The following SHISA9 variants were observed in gnomAD, a reference collection of about 807,000 sequenced individuals.
SHISA9 encodes the protein protein shisa-9.
In SHISA9, 13 loss-of-function variants were observed where a neutral mutation model predicts 38.0. That is an observed-to-expected ratio of 0.34 (90% confidence interval 0.22 to 0.54). SHISA9 has a LOEUF of 0.54. SHISA9 is among the 20% of genes least tolerant of loss of function. The pLI is 0.91. For synonymous variants in SHISA9, 275 were observed against 242.0 expected, an observed-to-expected ratio of 1.14 and a Z score of -1.27; for missense variants, 538 against 575.8, an observed-to-expected ratio of 0.93 and a Z score of 0.67.
chr16:13,029,961 G>A (rs752529525), intron 2 of SHISA9, among the ~76,000 whole-genome samples: 5 of 152,168 alleles, frequency 3.3e-5, no homozygotes, highest in Admixed American at 1.3e-4. Flanking sequence ...ATCAGTTTCC[G>A]CATCTGTGAA....
At chr16:13,366,254 A>T in the SHISA9 span, among the ~76,000 whole-genome samples, 1 of 152,242 alleles carries the variant, frequency 6.6e-6, no homozygotes, top group East Asian at 1.9e-4. Flanking sequence ...TTAATGGAAC[A>T]TTTAGGCTTT....
intron 2 of SHISA9, among the ~76,000 whole-genome samples, chr16:13,097,209 A>T (rs1445988711): frequency 5.3e-5 from 8 of 152,120 alleles, no homozygotes; most frequent in Non-Finnish European, 1.2e-4. Flanking sequence ...TCTCTCCTTC[A>T]TGTTACATTG....
intron 2 of SHISA9, among the ~76,000 whole-genome samples, chr16:12,937,113 A>G (rs927785200): frequency 6.6e-6 from 1 of 152,172 alleles, no homozygotes; most frequent in Admixed American, 6.5e-5. Flanking sequence ...TGAAATTTTA[A>G]GAATTGAGTT....
At chr16:13,160,423 C>G (rs1318372645) in intron 2 of SHISA9, among the ~76,000 whole-genome samples, 1 of 152,122 alleles carries the variant, frequency 6.6e-6, no homozygotes, top group African/African-American at 2.4e-5. Context: ...TAAGTTTATG[C>G]TTGATTAACA....
chr16:13,386,438 G>T, the SHISA9 span, among the ~76,000 whole-genome samples: 1 of 152,270 alleles, frequency 6.6e-6, no homozygotes, highest in East Asian at 1.9e-4. Flanking sequence ...TTCAAATTCT[G>T]ATTCCACCAC....
chr16:13,382,116 C>A, the SHISA9 span, among the ~76,000 whole-genome samples: 2 of 152,188 alleles, frequency 1.3e-5, no homozygotes, highest in Admixed American at 1.3e-4. Flanking sequence ...TTGATACAAA[C>A]TCTCTGAGTA....
At chr16:13,309,878 C>A in the SHISA9 span, among the ~76,000 whole-genome samples, 1 of 151,156 alleles carries the variant, frequency 6.6e-6, no homozygotes, top group African/African-American at 2.4e-5. Flanking sequence ...ATTTACTTAT[C>A]TATTTATTTA....
chr16:13,007,869 T>G (rs1299742769), intron 2 of SHISA9, among the ~76,000 whole-genome samples: 1 of 152,226 alleles, frequency 6.6e-6, no homozygotes, highest in African/African-American at 2.4e-5. Flanking sequence ...ATTCCTTCCT[T>G]TTTTTATCCT....
At chr16:13,407,106 C>T in the SHISA9 span, among the ~76,000 whole-genome samples, 1 of 139,070 alleles carries the variant, frequency 7.2e-6, no homozygotes, top group Non-Finnish European at 1.5e-5. Flanking sequence ...AAGACCATGA[C>T]TTGGGCTGCT....
intron 2 of SHISA9, among the ~76,000 whole-genome samples, chr16:13,080,618 G>C (rs1322598662): frequency 1.3e-5 from 2 of 152,110 alleles, no homozygotes; most frequent in Non-Finnish European, 2.9e-5. Context: ...CTGAGGAGAT[G>C]GTGTGTTTGT....
chr16:13,158,691 C>T (rs914280882), intron 2 of SHISA9, among the ~76,000 whole-genome samples: 1 of 152,092 alleles, frequency 6.6e-6, no homozygotes, highest in African/African-American at 2.4e-5. Flanking sequence ...TGGAGGGAGG[C>T]TCCATTTCTT....
chr16:13,169,986 T>G (rs982077605), intron 2 of SHISA9, among the ~76,000 whole-genome samples: 1 of 152,116 alleles, frequency 6.6e-6, no homozygotes, highest in African/African-American at 2.4e-5. Context: ...GTGGATCACC[T>G]GAGGTCAGGA....
the SHISA9 span, among the ~76,000 whole-genome samples, chr16:13,432,394 T>C: frequency 1.3e-5 from 2 of 152,176 alleles, no homozygotes; most frequent in South Asian, 2.1e-4. Context: ...AAATGACTTA[T>C]GGTGATGCGT....
At chr16:13,144,616 A>G (rs1014724849) in intron 2 of SHISA9, among the ~76,000 whole-genome samples, 1 of 152,096 alleles carries the variant, frequency 6.6e-6, no homozygotes, top group East Asian at 1.9e-4. Context: ...ATAGAGAGAA[A>G]AGGGTTGCTA....
the SHISA9 span, among the ~76,000 whole-genome samples, chr16:13,389,042 C>T: frequency 2.0e-5 from 3 of 152,136 alleles, no homozygotes; most frequent in East Asian, 1.9e-4. Context: ...CCCACCAGAG[C>T]GGCACGTCTG....
chr16:13,012,705 A>G (rs1274122675), intron 2 of SHISA9, among the ~76,000 whole-genome samples: 1 of 152,174 alleles, frequency 6.6e-6, no homozygotes, highest in Non-Finnish European at 1.5e-5. Context: ...ACAGCATCAT[A>G]AAGGGCCTGC....
At chr16:13,464,412 C>T in the SHISA9 span, among the ~76,000 whole-genome samples, 1 of 152,186 alleles carries the variant, frequency 6.6e-6, no homozygotes, top group South Asian at 2.1e-4. Flanking sequence ...ACTTACAATC[C>T]TGAAGCCCCA....
At chr16:13,222,208 C>T (rs1474536569) in intron 4 of SHISA9, among the ~76,000 whole-genome samples, 1 of 152,126 alleles carries the variant, frequency 6.6e-6, no homozygotes, top group Non-Finnish European at 1.5e-5. Context: ...CAGGTCCCTC[C>T]CAAGACACTT....
At chr16:13,312,569 A>T in the SHISA9 span, among the ~76,000 whole-genome samples, 3 of 152,340 alleles carry the variant, frequency 2.0e-5, no homozygotes, top group African/African-American at 7.2e-5. Flanking sequence ...CCTTCTGGCC[A>T]CTACTGGACA....
Sources: allele counts gnomAD v4.1 joint callset (sites outside exome capture counted in the v4.1 genomes callset), GRCh38; gene constraint gnomAD v4.1.1; transcripts MANE v1.5; gene names NCBI Gene and HGNC (gene_info 2026-07-23, HGNC 2026-07-21).